Variants in XRRA1 observed in about 807,000 individuals in gnomAD.
XRRA1 encodes the protein X-ray radiation resistance associated 1, also known as X-ray radiation resistance-associated protein 1.
Under a neutral mutation model 80.2 loss-of-function variants are expected in XRRA1, and 69 were observed. The observed-to-expected ratio is 0.86, with a 90% confidence interval of 0.71 to 1.05. The LOEUF is 1.05. XRRA1 is among the 50% of genes least tolerant of loss of function. XRRA1 has a pLI of 0.00. For synonymous variants in XRRA1, 348 were observed against 389.9 expected, an observed-to-expected ratio of 0.89 and a Z score of 1.27; for missense variants, 967 against 976.4, an observed-to-expected ratio of 0.99 and a Z score of 0.13.
chr11:74,943,195 G>A (rs1353622161), intron 2 of XRRA1, among the ~76,000 whole-genome samples: 1 of 152,176 alleles, frequency 6.6e-6, no homozygotes, highest in Non-Finnish European at 1.5e-5. Context: ...TTCTTTAGGG[G>A]TGTGTGTGTG....
intron 10 of XRRA1, among the ~76,000 whole-genome samples, chr11:74,894,616 C>G (rs573737911): frequency 6.6e-6 from 1 of 152,128 alleles, no homozygotes; most frequent in Non-Finnish European, 1.5e-5. Context: ...ACTATCAGAT[C>G]TAATGAGAAC....
chr11:74,864,954 AGACACATGCCCCTCT>A (rs1292533144), intron 10 of XRRA1, among the ~76,000 whole-genome samples: 1 of 152,134 alleles, frequency 6.6e-6, no homozygotes, highest in East Asian at 1.9e-4. Flanking sequence ...ACTTGCTGGA[AGACACATGCCCCTCT>A]GAGCCAATGA....
intron 15 of XRRA1, among the ~76,000 whole-genome samples, chr11:74,847,119 T>C (rs1405141134): frequency 1.3e-5 from 2 of 152,150 alleles, no homozygotes; most frequent in East Asian, 3.8e-4. Context: ...TCTCTCAAAT[T>C]GTTTCTTTTA....
intron 14 of XRRA1, among the ~76,000 whole-genome samples, chr11:74,849,054 G>A (rs921113117): frequency 6.6e-6 from 1 of 152,178 alleles, no homozygotes; most frequent in African/African-American, 2.4e-5. Flanking sequence ...ATTAGTAAAA[G>A]CCTGTGACCA....
intron 10 of XRRA1, among the ~76,000 whole-genome samples, chr11:74,903,396 C>G (rs918892666): frequency 6.6e-6 from 1 of 152,154 alleles, no homozygotes; most frequent in African/African-American, 2.4e-5. Flanking sequence ...GTAGAATACT[C>G]TGCATTAGTT....
At chr11:74,859,351 C>G in intron 11 of XRRA1, 68 bp from the exon 12 acceptor site, 3 of 1,510,470 alleles carry the variant, frequency 2.0e-6, no homozygotes, top group Non-Finnish European at 2.7e-6. Context: ...GGCCAACAGA[C>G]CCTTTCAATG....
At chr11:74,886,412 CCAA>C (rs2049028991) in intron 10 of XRRA1, among the ~76,000 whole-genome samples, 1 of 152,124 alleles carries the variant, frequency 6.6e-6, no homozygotes, top group Admixed American at 6.5e-5. Context: ...TTTTTATACA[CCAA>C]CAACCTCCAA....
At chr11:74,948,214 A>T (rs754867580) in intron 1 of XRRA1, among the ~76,000 whole-genome samples, 1 of 152,248 alleles carries the variant, frequency 6.6e-6, no homozygotes, top group African/African-American at 2.4e-5. Context: ...GTATAATACA[A>T]TACTGCTATT....
intron 10 of XRRA1, among the ~76,000 whole-genome samples, chr11:74,888,150 A>G (rs929638031): frequency 1.3e-5 from 2 of 152,186 alleles, no homozygotes; most frequent in Non-Finnish European, 2.9e-5. Flanking sequence ...ACCCCCGAGT[A>G]GCCTAACTGG....
At chr11:74,915,694 T>A (rs1395478536) in intron 8 of XRRA1, among the ~76,000 whole-genome samples, 2 of 151,894 alleles carry the variant, frequency 1.3e-5, no homozygotes, top group African/African-American at 4.8e-5. Context: ...ACAAGTGGAA[T>A]AGAAACTGTT....
At position 74,940,884 on chromosome 11, in the gene XRRA1, T is replaced by A; in HGVS notation, c.-4-2A>T. The A allele has an allele frequency of 6.2e-7, 1 of 1,603,174 alleles. No homozygotes were observed. The highest frequency in any genetic ancestry group is 1.1e-5 in the South Asian group (1 of 88,862). ...TAGATTCCTGAGAAGGCCATCTCCC[T>A]GAGAGCCAGGCAAGGAAAGCAAGGA... On this transcript the variant is annotated splice_acceptor_variant, in intron 2 of 18. Coordinates refer to ENST00000684022, the MANE Select transcript of XRRA1 (RefSeq NM_001378157.1). LOFTEE classifies it low-confidence loss of function (5UTR_SPLICE).
chr11:74,874,422 C>T (rs2045617351), intron 10 of XRRA1, among the ~76,000 whole-genome samples: 1 of 151,924 alleles, frequency 6.6e-6, no homozygotes, highest in Non-Finnish European at 1.5e-5. Context: ...GGGAATGGCC[C>T]TGGGAGTTTT....
chr11:74,932,971 T>C (rs1943998330), intron 5 of XRRA1, among the ~76,000 whole-genome samples: 1 of 152,158 alleles, frequency 6.6e-6, no homozygotes, highest in African/African-American at 2.4e-5. Flanking sequence ...CAAAGATGTA[T>C]GTTATAATAT....
chr11:74,947,882 G>A (rs891422372), intron 1 of XRRA1, among the ~76,000 whole-genome samples: 3 of 151,996 alleles, frequency 2.0e-5, no homozygotes, highest in South Asian at 4.1e-4. Flanking sequence ...CCGCTACCAC[G>A]CCCGGCTCAT....
intron 10 of XRRA1, 180 bp from the exon 11 acceptor site, chr11:74,863,201 A>G (rs955169634): frequency 3.0e-6 from 2 of 675,328 alleles, no homozygotes; most frequent in South Asian, 1.6e-5. Context: ...GCATCAGGTA[A>G]TAAGTCCCTT....
chr11:74,870,414 A>G (rs139663502), intron 10 of XRRA1, among the ~76,000 whole-genome samples: 55 of 152,102 alleles, frequency 3.6e-4, no homozygotes, highest in South Asian at 1.0e-3. Flanking sequence ...AGCTTTTCCT[A>G]TTGCATTTTT....
chr11:74,885,933 T>C (rs567594127), intron 10 of XRRA1, among the ~76,000 whole-genome samples: 2 of 152,232 alleles, frequency 1.3e-5, no homozygotes, highest in Non-Finnish European at 2.9e-5. Flanking sequence ...AAATGTGATT[T>C]ATCACATAAA....
rs368085566 is a variant in XRRA1, at chr11:74,860,445, TGAG to T, written c.1045-1165_1045-1163del. 9.1e-4 allele frequency among the ~76,000 whole-genome samples: 138 copies of T among 152,304 alleles called. 2 individuals are homozygous for T. In the East Asian group the frequency reaches 0.019, roughly 21 times the overall value. ...AAAAGGAAAAGCCAGAGAGTCAAGA[TGAG>T]GAGTATCCTGACCCAAGGGCATAAC... On this transcript the variant is annotated intron_variant, in intron 11 of 18. Transcript: ENST00000684022.
At chr11:74,866,508 A>G (rs2043444600) in intron 10 of XRRA1, among the ~76,000 whole-genome samples, 1 of 152,122 alleles carries the variant, frequency 6.6e-6, no homozygotes, top group Non-Finnish European at 1.5e-5. Context: ...TTCCTACTTC[A>G]GCCTCCCAAA....
Sources: gnomAD v4.1 joint callset for allele counts (sites outside exome capture counted in the v4.1 genomes callset) on GRCh38, gnomAD v4.1.1 for gene constraint, MANE v1.5 for transcripts, NCBI Gene and HGNC (gene_info 2026-07-23, HGNC 2026-07-21) for gene names.